The following ICE1 variants were observed in gnomAD, a reference collection of about 807,000 sequenced individuals.
ICE1 encodes interactor of little elongation complex ELL subunit 1, also known as little elongation complex subunit 1.
A neutral mutation model predicts 192.7 loss-of-function variants in ICE1; 64 were observed. That is an observed-to-expected ratio of 0.33 (90% CI 0.27 to 0.41). The LOEUF (loss-of-function observed/expected upper bound fraction) is 0.41, where lower values mean the gene tolerates loss of function less well. Ranked by LOEUF, ICE1 falls within the 10% of genes least tolerant of loss-of-function variation. The pLI, the probability that ICE1 is intolerant of heterozygous loss-of-function variation, is 1.00. For synonymous variants in ICE1, 1,010 were observed against 984.5 expected (o/e 1.03, Z -0.49); for missense variants, 2,708 against 2,696.0 (o/e 1.00, Z -0.10).
At chr5:5,483,042 G>C (rs989949449) in intron 17 of ICE1, among the ~76,000 whole-genome samples, 1 of 152,094 alleles carries the variant, frequency 6.6e-6, no homozygotes, top group African/African-American at 2.4e-5. Context: ...CCAAGCTGGA[G>C]TGCAATGGCG....
intron 1 of ICE1, among the ~76,000 whole-genome samples, chr5:5,430,087 C>A (rs899696216): frequency 2.0e-5 from 3 of 152,146 alleles, no homozygotes; most frequent in Non-Finnish European, 4.4e-5. Context: ...AAGCGATAAT[C>A]GAGGAAACAA....
At chr5:5,481,393 C>T (rs967401886) in intron 17 of ICE1, among the ~76,000 whole-genome samples, 24 of 152,052 alleles carry the variant, frequency 1.6e-4, no homozygotes, top group African/African-American at 4.8e-4. Context: ...TATACGACAG[C>T]GGAAGCAGCC....
In ICE1 at chr5:5,481,742, T is replaced by C. The variant is rs1402396160; in HGVS notation, c.6521-4979T>C. ...CATACCAGAAGGTGATCTCAGAAGA[T>C]GATAATACCTTGTTTTCCTGTACCC... is the stretch of plus-strand genomic sequence containing the variant. On this transcript the variant is annotated intron_variant, in intron 17 of 18. Coordinates refer to ENST00000296564, the MANE Select transcript of ICE1 (RefSeq NM_015325.3). Among the ~76,000 whole-genome samples the C allele has an allele frequency of 3.3e-5, 5 of 152,228 alleles. No individual in the cohort carries two copies. The South Asian group carries it at 1.0e-3, about 31-fold the overall frequency.
chr5:5,459,784 A>G (rs745863015), intron 12 of ICE1, among the ~76,000 whole-genome samples: 4 of 152,164 alleles, frequency 2.6e-5, no homozygotes, highest in Admixed American at 6.5e-5. Context: ...AGTGGGCCAC[A>G]TGCTCTAGGC....
intron 17 of ICE1, among the ~76,000 whole-genome samples, chr5:5,477,855 C>T (rs760435386): frequency 3.5e-4 from 54 of 152,212 alleles, no homozygotes; most frequent in Non-Finnish European, 7.5e-4. Flanking sequence ...CCTAATCCAT[C>T]ACATAAACAG....
intron 1 of ICE1, among the ~76,000 whole-genome samples, chr5:5,436,129 G>A (rs981090880): frequency 2.6e-5 from 4 of 152,038 alleles, no homozygotes; most frequent in African/African-American, 4.8e-5. Flanking sequence ...ATGATTAATA[G>A]CAAACTAAAA....
intron 10 of ICE1, among the ~76,000 whole-genome samples, chr5:5,449,989 C>A (rs1294229133): frequency 6.6e-6 from 1 of 152,174 alleles, no homozygotes; most frequent in African/African-American, 2.4e-5. Flanking sequence ...AAATGAGAAT[C>A]TACATTTACT....
At chr5:5,445,708 C>T (rs1272785556) in intron 7 of ICE1, among the ~76,000 whole-genome samples, 3 of 151,706 alleles carry the variant, frequency 2.0e-5, no homozygotes, top group Non-Finnish European at 4.4e-5. Context: ...GCCACTGCAC[C>T]CAGCCACATT....
chr5:5,457,583 G>C lies in ICE1; in HGVS notation c.943G>C (p.Gly315Arg). The C allele has an allele frequency of 6.2e-7, 1 of 1,613,964 alleles. No homozygotes were observed. The highest frequency in any genetic ancestry group is 1.1e-5 in the South Asian group (1 of 91,066). The stretch of plus-strand genomic sequence containing the variant: ...TTTAGTACAAAGTCATCGTGACGGT[G>C]GTAGTACTGAATTTGTTGATCATGA... ...EVLVQSHRDG[G>R]STEFVDHDHF... is the part of the protein sequence containing the mutation. Residue 315 changes from glycine (G) to arginine (R), a missense_variant, in exon 12 of 19, where the codon GGT becomes CGT. Physicochemically the swap from Gly to Arg is moderately radical, Grantham distance 125 (BLOSUM62 -2). Coordinates refer to ENST00000296564, the MANE Select transcript of ICE1 (RefSeq NM_015325.3).
chr5:5,489,562 T>C lies in ICE1; in HGVS notation c.*232T>C. 2.6e-6 allele frequency: 1 copy of C among 383,352 alleles called. No individual in the cohort carries two copies. Among genetic ancestry groups the C allele is most frequent in the East Asian group, 4.2e-5 (1 of 23,650 alleles). 23.7% of individuals were successfully genotyped at this position (383,352 alleles called of 1,614,324 possible). A position where few individuals can be genotyped will look rare whatever the true frequency, so the allele number is the denominator to read the frequency against. On this transcript the variant is annotated 3_prime_UTR_variant, in exon 19 of 19. Coordinates refer to ENST00000296564, the MANE Select transcript of ICE1 (RefSeq NM_015325.3). ...CTTAAGGCTGTTGTGATCTGTGACA[T>C]ATGGGTTATATTATTGTGTCTTTGT...
chr5:5,466,155 G>A (rs545300135), intron 13 of ICE1, among the ~76,000 whole-genome samples, 179 bp from the exon 14 acceptor site: 69 of 152,218 alleles, frequency 4.5e-4, no homozygotes, highest in African/African-American at 1.6e-3. Context: ...CCCCGACCTC[G>A]ATTCTCATGA....
intron 1 of ICE1, among the ~76,000 whole-genome samples, chr5:5,426,210 G>C (rs1737513178): frequency 6.6e-6 from 1 of 152,244 alleles, no homozygotes. Context: ...CACTTTGGGA[G>C]GCCAAGGCAG....
In ICE1 at chr5:5,461,035, A is replaced by G; in HGVS notation, c.1701A>G (p.Thr567=). The G allele has an allele frequency of 6.2e-7, 1 of 1,614,096 alleles. No homozygotes were observed. Among genetic ancestry groups the G allele is most frequent in the Non-Finnish European group, 8.5e-7 (1 of 1,179,898 alleles). Residue 567 remains threonine (T), a synonymous_variant, in exon 13 of 19, where the codon ACA becomes ACG. Transcript: ENST00000296564. The part of the protein sequence containing the change: ...GSPKSEFTKW[T]RINEITSEPD... ...CCAAATCAGAGTTTACTAAGTGGAC[A>G]CGAATTAATGAAATCACTTCTGAAC...
rs761163851 is a variant in ICE1, at chr5:5,464,380, T to C, written c.5046T>C (p.Ser1682=). The C allele has an allele frequency of 6.2e-7, 1 of 1,613,556 alleles. No homozygotes were observed. The highest frequency in any genetic ancestry group is 8.5e-7 in the Non-Finnish European group (1 of 1,179,788). ...FRETPVPPAM[S]PWPEDPRRAS... ...AAACCCCAGTGCCTCCTGCCATGTC[T>C]CCATGGCCAGAGGACCCCAGACGTG... The change falls in exon 13 of 19, where the codon TCT becomes TCC. Residue 1682 remains serine, a synonymous_variant. Transcript: ENST00000296564. This position sits in a 1 kb window ranked among gnomAD's most constrained non-coding sequence, Gnocchi z 4.0.
chr5:5,460,555 GAGAAAAAAT>G lies in ICE1; in HGVS notation c.1223_1231del (p.Arg408_Asn410del). On this transcript the variant is annotated inframe_deletion, in exon 13 of 19. Coordinates refer to ENST00000296564, the MANE Select transcript of ICE1 (RefSeq NM_015325.3). ...AATCACAGAATTATTTTGGCTCATT[GAGAAAAAAT>G]AAAGGAAGTGGCACATGGGAGGAAA... 1 of 1,612,144 alleles carries G rather than the reference GAGAAAAAAT, an allele frequency of 6.2e-7. No homozygotes were observed. Among genetic ancestry groups the G allele is most frequent in the Non-Finnish European group, 8.5e-7 (1 of 1,178,964 alleles).
At chr5:5,452,547 T>C (rs959354473) in intron 10 of ICE1, among the ~76,000 whole-genome samples, 1 of 152,094 alleles carries the variant, frequency 6.6e-6, no homozygotes, top group Non-Finnish European at 1.5e-5. Flanking sequence ...CATAAACATG[T>C]TCCTGGATGA....
intron 18 of ICE1, 83 bp from the exon 19 acceptor site, chr5:5,489,066 T>C (rs1739716806): frequency 3.6e-6 from 4 of 1,109,320 alleles, no homozygotes; most frequent in Non-Finnish European, 5.2e-6. Flanking sequence ...TGTATTTGAA[T>C]AGTATTCCAG....
In ICE1 at chr5:5,465,065, C is replaced by T; in HGVS notation, c.5731C>T (p.His1911Tyr). The change falls in exon 13 of 19, where the codon CAT becomes TAT. Residue 1911 changes from histidine to tyrosine, a missense_variant. Transcript: ENST00000296564. Reference protein sequence around the residue: ...PLSPKETVESHDKAIANALKK... With the variant: ...PLSPKETVESYDKAIANALKK... ...AAGCCCAAAAGAAACTGTGGAGTCCCATGATAAAGCCATAGCTAATGCCCT... is the reference window on the plus strand; with the variant it reads ...AAGCCCAAAAGAAACTGTGGAGTCCTATGATAAAGCCATAGCTAATGCCCT... The T allele has an allele frequency of 1.9e-6, 3 of 1,613,918 alleles. No individual in the cohort carries two copies. The highest frequency in any genetic ancestry group is 2.5e-6 in the Non-Finnish European group (3 of 1,179,862).
At position 5,465,357 on chromosome 5, in the gene ICE1, A is replaced by G. The variant is rs1271622377; in HGVS notation, c.5892+131A>G. ...CTTCAAGGATGAGAGTTATCCATGT[A>G]AACATTACGACTATATTTCTAGCCA... On this transcript the variant is annotated intron_variant, in intron 13 of 18. Coordinates refer to ENST00000296564, the MANE Select transcript of ICE1 (RefSeq NM_015325.3). 6.3e-6 allele frequency: 4 copies of G among 631,630 alleles called. No individual in the cohort carries two copies. In the East Asian group the frequency reaches 1.1e-4, roughly 17 times the overall value. 39.1% of individuals were successfully genotyped at this position (631,630 alleles called of 1,614,324 possible). A position where few individuals can be genotyped will look rare whatever the true frequency, so the allele number is the denominator to read the frequency against.
Sources: gnomAD v4.1 joint callset for allele counts (sites outside exome capture counted in the v4.1 genomes callset) on GRCh38, gnomAD v4.1.1 for gene constraint, Gnocchi (gnomAD v3.1) non-coding constraint, MANE v1.5 for transcripts, NCBI Gene and HGNC (gene_info 2026-07-23, HGNC 2026-07-21) for gene names.